The following EPYC variants were observed in gnomAD, a reference collection of about 807,000 sequenced individuals.
The protein encoded by EPYC is epiphycan, also known as dermatan sulfate proteoglycan 3.
Under a neutral mutation model 30.1 loss-of-function variants are expected in EPYC, and 28 were observed. That is an observed-to-expected ratio of 0.93 (90% CI 0.69 to 1.28). The LOEUF is 1.28. Among genes scored for constraint, EPYC ranks in the 50% most tolerant of loss-of-function variants. The pLI is 0.00. For synonymous variants in EPYC, 144 were observed against 141.4 expected, an observed-to-expected ratio of 1.02 and a Z score of -0.13; for missense variants, 382 against 383.5, an observed-to-expected ratio of 1.00 and a Z score of 0.03.
chr12:90,986,062 T>C (rs1465571805), intron 2 of EPYC, among the ~76,000 whole-genome samples: 1 of 152,094 alleles, frequency 6.6e-6, no homozygotes, highest in Non-Finnish European at 1.5e-5. Flanking sequence ...TGCCTGAAAG[T>C]CTCACACCCT....
At chr12:90,986,386 G>C (rs1048663047) in intron 2 of EPYC, among the ~76,000 whole-genome samples, 5 of 152,206 alleles carry the variant, frequency 3.3e-5, no homozygotes, top group Middle Eastern at 3.4e-3. Flanking sequence ...AATTCTAGGA[G>C]TACAAAAACC....
chr12:90,981,766 A>G (rs911369468), intron 2 of EPYC, among the ~76,000 whole-genome samples: 6 of 152,148 alleles, frequency 3.9e-5, no homozygotes. Context: ...CTTGTTGAAC[A>G]TGTTAATTAT....
At chr12:90,970,012 C>T in intron 6 of EPYC, 32 bp downstream of exon 6, 1 of 1,528,806 alleles carries the variant, frequency 6.5e-7, no homozygotes, top group South Asian at 1.1e-5. Context: ...TTCTCTGAAG[C>T]CCTTGGGCGC....
intron 2 of EPYC, among the ~76,000 whole-genome samples, chr12:90,995,971 C>A (rs1004985556): frequency 3.3e-5 from 5 of 151,856 alleles, no homozygotes; most frequent in East Asian, 1.9e-4. Context: ...TCAGGCTGAT[C>A]GTGTTAAAGT....
intron 2 of EPYC, among the ~76,000 whole-genome samples, chr12:90,982,336 A>G (rs1877342860): frequency 6.6e-6 from 1 of 152,112 alleles, no homozygotes; most frequent in Non-Finnish European, 1.5e-5. Flanking sequence ...TAAAGTATAC[A>G]GTCCAATGTT....
chr12:90,981,708 A>T (rs1298581126), intron 2 of EPYC, among the ~76,000 whole-genome samples: 3 of 152,128 alleles, frequency 2.0e-5, no homozygotes, highest in Admixed American at 2.0e-4. Flanking sequence ...GCAATCACAC[A>T]TCTTCCTGAT....
chr12:90,972,057 A>T (rs1877065261), intron 4 of EPYC, 55 bp from the exon 5 acceptor site: 1 of 1,077,376 alleles, frequency 9.3e-7, no homozygotes, highest in Admixed American at 3.1e-5. Flanking sequence ...CTCACATAAA[A>T]ATATAAATGT....
chr12:90,970,388 C>G (rs1205986007), intron 5 of EPYC, among the ~76,000 whole-genome samples: 2 of 152,192 alleles, frequency 1.3e-5, no homozygotes, highest in Non-Finnish European at 2.9e-5. Context: ...GTTTCTCAGT[C>G]TCTAGGAAGA....
intron 6 of EPYC, among the ~76,000 whole-genome samples, chr12:90,969,595 C>G (rs899138245): frequency 4.0e-5 from 6 of 150,380 alleles, no homozygotes; most frequent in Non-Finnish European, 8.9e-5. Flanking sequence ...ATAGGAATGC[C>G]TTAGGACTGA....
chr12:90,969,128 T>C (rs1295081447), intron 6 of EPYC, among the ~76,000 whole-genome samples: 3 of 151,690 alleles, frequency 2.0e-5, no homozygotes, highest in African/African-American at 4.8e-5. Flanking sequence ...CAAAGGTAAA[T>C]ATTCACAAAA....
chr12:91,002,911 C>A (rs1050638871), intron 1 of EPYC, among the ~76,000 whole-genome samples: 2 of 151,952 alleles, frequency 1.3e-5, no homozygotes, highest in Non-Finnish European at 2.9e-5. Flanking sequence ...ACATTAAGAT[C>A]CTTCATCAAC....
chr12:90,966,353 G>A (rs894920666), intron 6 of EPYC, among the ~76,000 whole-genome samples: 1 of 151,906 alleles, frequency 6.6e-6, no homozygotes, highest in Non-Finnish European at 1.5e-5. Context: ...ATAATAAAAT[G>A]GTGTTGGATT....
chr12:90,977,104 T>G (rs1021339355), intron 3 of EPYC, among the ~76,000 whole-genome samples: 1 of 152,200 alleles, frequency 6.6e-6, no homozygotes, highest in African/African-American at 2.4e-5. Flanking sequence ...GGCAGAAATA[T>G]TCATGAGAAC....
intron 2 of EPYC, among the ~76,000 whole-genome samples, chr12:90,998,689 A>T (rs1877752365): frequency 6.6e-6 from 1 of 152,124 alleles, no homozygotes. Context: ...CAGATAAAAA[A>T]CTTTTAAGTT....
At chr12:90,971,443 G>A (rs137958956) in intron 5 of EPYC, among the ~76,000 whole-genome samples, 4,060 of 152,164 alleles carry the variant, frequency 0.027, 81 homozygotes, top group South Asian at 0.059. Flanking sequence ...GCCGAAGCGG[G>A]AGGATCACTG....
At chr12:90,974,072 A>ACACACACACACC (rs71094701) in intron 3 of EPYC, among the ~76,000 whole-genome samples, 53 of 144,206 alleles carry the variant, frequency 3.7e-4, no homozygotes, top group Admixed American at 5.6e-4. Flanking sequence ...ACACACACAC[A>ACACACACACACC]CCCCTACCTC....
At chr12:90,991,521 A>C (rs1382419334) in intron 2 of EPYC, among the ~76,000 whole-genome samples, 1 of 152,168 alleles carries the variant, frequency 6.6e-6, no homozygotes, top group Non-Finnish European at 1.5e-5. Context: ...TTACTGATTT[A>C]TGAAATGTAG....
rs1212780053 is a variant in EPYC, at chr12:90,970,201, A to G, written c.703-62T>C. 7 of 1,182,224 alleles carry G rather than the reference A, an allele frequency of 5.9e-6. No individual in the cohort carries two copies. The East Asian group carries it at 1.2e-4, about 20-fold the overall frequency. 73.2% of individuals were successfully genotyped at this position (1,182,224 alleles called of 1,614,324 possible). A position where few individuals can be genotyped will look rare whatever the true frequency, so the allele number is the denominator to read the frequency against. ...TCAATAAAAACTCAATAAGAAATAA[A>G]AAACACAGCTGTATTTCCCATTCCC... On this transcript the variant is annotated intron_variant, in intron 5 of 6. Transcript: ENST00000261172.
chr12:90,986,656 A>T (rs1264653042), intron 2 of EPYC, among the ~76,000 whole-genome samples: 4 of 152,132 alleles, frequency 2.6e-5, no homozygotes. Context: ...GGGGAAAGCC[A>T]CTTCAGCTGA....
Sources: gnomAD v4.1 joint callset for allele counts (sites outside exome capture counted in the v4.1 genomes callset) on GRCh38, gnomAD v4.1.1 for gene constraint, MANE v1.5 for transcripts, NCBI Gene and HGNC (gene_info 2026-07-23, HGNC 2026-07-21) for gene names.